Variants in SNTG2 observed in about 807,000 individuals in gnomAD.
SNTG2 encodes the protein gamma-2-syntrophin.
A neutral mutation model predicts 70.9 loss-of-function variants in SNTG2; 74 were observed. That is an observed-to-expected ratio of 1.04 (90% CI 0.86 to 1.27). The LOEUF (loss-of-function observed/expected upper bound fraction) is 1.27. SNTG2 is among the 50% of genes most tolerant of loss of function. SNTG2 has a pLI of 0.00. For missense variants in SNTG2, 717 were observed against 690.7 expected, an observed-to-expected ratio of 1.04 and a Z score of -0.43; for synonymous variants, 278 against 273.8, an observed-to-expected ratio of 1.02 and a Z score of -0.15.
intron 14 of SNTG2, among the ~76,000 whole-genome samples, chr2:1,271,769 G>A (rs531649833): frequency 6.6e-6 from 1 of 152,260 alleles, no homozygotes; most frequent in Admixed American, 6.5e-5. Flanking sequence ...CAGCCTAGCT[G>A]TGCCAGCCTA....
chr2:1,322,660 T>C (rs1033109407), intron 16 of SNTG2, among the ~76,000 whole-genome samples: 1 of 152,062 alleles, frequency 6.6e-6, no homozygotes, highest in Admixed American at 6.6e-5. Context: ...TCCCCCTCCT[T>C]CTACCCTTCT....
intron 15 of SNTG2, among the ~76,000 whole-genome samples, chr2:1,313,334 A>G (rs1339053620): frequency 1.3e-5 from 2 of 152,222 alleles, no homozygotes; most frequent in Admixed American, 6.5e-5. Flanking sequence ...GCTTCCCTTC[A>G]GCTTTTATCT....
intron 14 of SNTG2, among the ~76,000 whole-genome samples, chr2:1,288,696 A>G (rs1417154527): frequency 1.3e-5 from 2 of 152,216 alleles, no homozygotes; most frequent in Non-Finnish European, 2.9e-5. Context: ...ATGCACTTAT[A>G]TGTATGCCCA....
At chr2:1,249,276 T>A (rs1446789139) in intron 12 of SNTG2, among the ~76,000 whole-genome samples, 1 of 152,236 alleles carries the variant, frequency 6.6e-6, no homozygotes, top group Non-Finnish European at 1.5e-5. Context: ...AAAATAGGTA[T>A]TTTCATCTTA....
chr2:992,071 A>G (rs868182861), intron 1 of SNTG2, among the ~76,000 whole-genome samples: 5 of 152,212 alleles, frequency 3.3e-5, no homozygotes, highest in South Asian at 2.1e-4. Context: ...CACCTGCAGC[A>G]TGAGGCATGC....
At chr2:1,282,591 G>A (rs1479061170) in intron 14 of SNTG2, among the ~76,000 whole-genome samples, 1 of 152,202 alleles carries the variant, frequency 6.6e-6, no homozygotes, top group Non-Finnish European at 1.5e-5. Context: ...GGCAGTATCT[G>A]CAAGGTCCCG....
intron 6 of SNTG2, among the ~76,000 whole-genome samples, chr2:1,159,003 G>T (rs1342446041): frequency 6.6e-6 from 1 of 152,126 alleles, no homozygotes; most frequent in East Asian, 1.9e-4. Flanking sequence ...TCAGCTTGTG[G>T]ATGTCCGTGT....
At chr2:1,297,163 C>T (rs60289086) in intron 14 of SNTG2, among the ~76,000 whole-genome samples, 1,762 of 152,240 alleles carry the variant, frequency 0.012, 34 homozygotes, top group African/African-American at 0.041. Context: ...TGAGCTAATG[C>T]CCCCACTGCC....
intron 1 of SNTG2, among the ~76,000 whole-genome samples, chr2:956,198 T>C (rs544401284): frequency 3.3e-5 from 1 of 30,724 alleles, no homozygotes; most frequent in African/African-American, 1.1e-4. Flanking sequence ...ACCCCTGCCC[T>C]GCCACTGCCC....
At chr2:1,200,492 G>A (rs1005672937) in intron 8 of SNTG2, among the ~76,000 whole-genome samples, 11 of 151,920 alleles carry the variant, frequency 7.2e-5, no homozygotes, top group African/African-American at 2.7e-4. Flanking sequence ...CAAAAGCACT[G>A]ACAACAAAAA....
chr2:991,041 C>T (rs1661474341), intron 1 of SNTG2, among the ~76,000 whole-genome samples: 1 of 151,882 alleles, frequency 6.6e-6, no homozygotes, highest in Non-Finnish European at 1.5e-5. Flanking sequence ...ACTTACCATC[C>T]TAAGATCAGT....
intron 1 of SNTG2, among the ~76,000 whole-genome samples, chr2:959,340 T>A (rs1030602455): frequency 6.6e-6 from 1 of 152,248 alleles, no homozygotes; most frequent in African/African-American, 2.4e-5. Context: ...CACAGATCTA[T>A]GAAAATGCTA....
chr2:1,017,562 T>C (rs370575650), intron 1 of SNTG2, among the ~76,000 whole-genome samples: 1 of 150,634 alleles, frequency 6.6e-6, no homozygotes, highest in East Asian at 1.9e-4. Flanking sequence ...CACACACACA[T>C]ACACACATGC....
chr2:1,192,885 A>G (rs1572692931), intron 8 of SNTG2, among the ~76,000 whole-genome samples: 2 of 152,338 alleles, frequency 1.3e-5, no homozygotes, highest in Admixed American at 1.3e-4. Flanking sequence ...GAATGTTTCC[A>G]CACAATTTGT....
chr2:1,218,836 T>C (rs565434901), intron 9 of SNTG2, among the ~76,000 whole-genome samples: 3 of 152,330 alleles, frequency 2.0e-5, no homozygotes, highest in South Asian at 2.1e-4. Context: ...GCTTCTTTGC[T>C]GGTTTAACCA....
At chr2:1,193,309 C>T (rs1302455243) in intron 8 of SNTG2, among the ~76,000 whole-genome samples, 3 of 152,174 alleles carry the variant, frequency 2.0e-5, no homozygotes, top group African/African-American at 2.4e-5. Flanking sequence ...GGGAGGCTCT[C>T]GGCACAATTT....
chr2:1,039,559 T>C, intron 1 of SNTG2, among the ~76,000 whole-genome samples: 1 of 152,210 alleles, frequency 6.6e-6, no homozygotes, highest in Non-Finnish European at 1.5e-5. Context: ...CTGGTCTTCC[T>C]TGTTTTCTTT....
At chr2:1,247,110 AC>A (rs1677475370) in intron 11 of SNTG2, among the ~76,000 whole-genome samples, 1 of 152,208 alleles carries the variant, frequency 6.6e-6, no homozygotes, top group African/African-American at 2.4e-5. Flanking sequence ...CATATATAAA[AC>A]CTGGTTCAAT....
intron 11 of SNTG2, among the ~76,000 whole-genome samples, chr2:1,242,220 C>G (rs1314754695): frequency 6.6e-6 from 1 of 152,032 alleles, no homozygotes; most frequent in East Asian, 1.9e-4. Flanking sequence ...AGACATTAGG[C>G]CCTTTAAAAC....
Sources: gnomAD v4.1 joint callset for allele counts (sites outside exome capture counted in the v4.1 genomes callset) on GRCh38, gnomAD v4.1.1 for gene constraint, MANE v1.5 for transcripts, NCBI Gene and HGNC (gene_info 2026-07-23, HGNC 2026-07-21) for gene names.